Variants in STOM observed in about 807,000 individuals in gnomAD.
STOM encodes erythrocyte band 7 integral membrane protein.
In STOM, 25 loss-of-function variants were observed where a neutral mutation model predicts 30.6. The ratio of observed to expected loss-of-function variants is 0.82; its 90% CI spans 0.60 to 1.14. STOM has a LOEUF of 1.14. Ranked by LOEUF, STOM falls within the 50% of genes most tolerant of loss-of-function variation. The pLI, the probability that STOM is intolerant of heterozygous loss-of-function variation, is 0.00. For synonymous variants in STOM, 118 were observed against 130.8 expected, an observed-to-expected ratio of 0.90 and a Z score of 0.67; for missense variants, 292 against 365.2, an observed-to-expected ratio of 0.80 and a Z score of 1.63.
intron 1 of STOM, among the ~76,000 whole-genome samples, chr9:121,363,969 T>C (rs1314456822): frequency 6.6e-6 from 1 of 152,180 alleles, no homozygotes; most frequent in South Asian, 2.1e-4. Context: ...AAATTCCTCT[T>C]CAATTAATCA....
Position 121,356,110 on chromosome 9 carries a change from C to T in STOM, c.108G>A (p.Ala36=), listed in dbSNP as rs114133174. ...GLGPCGWILV[A]FSFLFTVITF... is the part of the protein sequence containing the mutation. ...TTATAACGGTGAATAAGAATGAGAA[C>T]GCCACCAAAATCCATCCGCAAGGTC... is the stretch of plus-strand genomic sequence containing the variant. The change falls in exon 2 of 7, where the codon GCG becomes GCA. Residue 36 remains alanine, a synonymous_variant. Transcript: ENST00000286713. 2.2e-4 allele frequency: 361 copies of T among 1,614,112 alleles called. 1 individual carries two copies. The African/African-American group carries it at 3.6e-3, about 16-fold the overall frequency.
intron 4 of STOM, 49 bp downstream of exon 4, chr9:121,353,171 G>A (rs752262269): frequency 3.6e-6 from 4 of 1,106,338 alleles, no homozygotes; most frequent in Non-Finnish European, 5.4e-6. Context: ...GTCCCTCATT[G>A]TAAAGCACTT....
At chr9:121,363,770 T>C (rs2064476990) in intron 1 of STOM, among the ~76,000 whole-genome samples, 1 of 152,218 alleles carries the variant, frequency 6.6e-6, no homozygotes, top group Non-Finnish European at 1.5e-5. Context: ...CAACTATTTA[T>C]TTGAGGAGGA....
intron 1 of STOM, among the ~76,000 whole-genome samples, chr9:121,359,066 T>C (rs1035462687): frequency 1.3e-5 from 2 of 152,220 alleles, no homozygotes; most frequent in Non-Finnish European, 2.9e-5. Flanking sequence ...AGGGATATAG[T>C]AGGTTTTCTT....
intron 1 of STOM, among the ~76,000 whole-genome samples, chr9:121,369,641 C>A (rs1461951820): frequency 6.6e-6 from 1 of 151,030 alleles, no homozygotes; most frequent in East Asian, 2.0e-4. Flanking sequence ...TTCTGCAAAT[C>A]GGTCTAAGTT....
chr9:121,347,043 T>C (rs2064295697), intron 6 of STOM, among the ~76,000 whole-genome samples: 1 of 152,256 alleles, frequency 6.6e-6, no homozygotes, highest in African/African-American at 2.4e-5. Flanking sequence ...CATATTATTA[T>C]GCTATCTTTG....
At chr9:121,365,678 T>C (rs753582463) in intron 1 of STOM, among the ~76,000 whole-genome samples, 1 of 152,144 alleles carries the variant, frequency 6.6e-6, no homozygotes, top group Non-Finnish European at 1.5e-5. Flanking sequence ...GCATTTTTGG[T>C]GTTAGATTCC....
At position 121,339,409 on chromosome 9, in the gene STOM, T is replaced by G; in HGVS notation, c.*1793A>C. 1 of 605,902 alleles carries G rather than the reference T, an allele frequency of 1.7e-6. No homozygotes were observed. Among genetic ancestry groups the G allele is most frequent in the Non-Finnish European group, 2.4e-6 (1 of 424,856 alleles). 37.5% of individuals were successfully genotyped at this position (605,902 alleles called of 1,614,324 possible). ...TTAAAATTCAAAATGTAAGTGCAAC[T>G]TGAGTTTAAGTTGCACTGCTCCATA... On this transcript the variant is annotated 3_prime_UTR_variant, in exon 7 of 7. Transcript: ENST00000286713.
Position 121,349,092 on chromosome 9 carries a change from G to C in STOM, c.525+28C>G, listed in dbSNP as rs535264137. On this transcript the variant is annotated intron_variant, in intron 5 of 6. Transcript: ENST00000286713. ...CTTTGCTTCATTTTTCAGCTTCTGG[G>C]GGGTAACAGCATTGACGTACTCCCC... 3,639 of 1,608,118 alleles carry C rather than the reference G, an allele frequency of 2.3e-3. 122 individuals carry two copies. In the South Asian group the frequency reaches 0.038, roughly 17 times the overall value.
chr9:121,341,305 G>T lies in STOM; in HGVS notation c.764C>A (p.Thr255Lys). Residue 255 changes from threonine (T) to lysine (K), a missense_variant, in exon 7 of 7, where the codon ACA becomes AAA. Transcript: ENST00000286713. ...PAALQLRYLQ[T>K]LTTIAAEKNS... ...TTTCTCAGCAGCAATGGTGGTCAGT[G>T]TCTGCAGGTATCGGAGCTGAAGGGC... The T allele has an allele frequency of 6.2e-7, 1 of 1,614,220 alleles. No homozygotes were observed. Among genetic ancestry groups the T allele is most frequent in the South Asian group, 1.1e-5 (1 of 91,086 alleles).
At chr9:121,365,544 A>G (rs796550828) in intron 1 of STOM, among the ~76,000 whole-genome samples, 6 of 149,478 alleles carry the variant, frequency 4.0e-5, no homozygotes, top group African/African-American at 9.9e-5. Context: ...AGTTTTTCTC[A>G]TATAAGTCTT....
rs183000720 is a variant in STOM at position 121,365,520 on chromosome 9, A to C, written c.61+4607T>G. Among the ~76,000 whole-genome samples the C allele has an allele frequency of 2.7e-3, 402 of 151,502 alleles. 3 individuals are homozygous for C. The highest frequency in any genetic ancestry group is 2.4e-3 in the Non-Finnish European group (166 of 67,872). ...AGCTCTTTTACTTGGACATCTTAAA[A>C]TTATTCACAATTAAGTTTTTCTCAT... is the stretch of plus-strand genomic sequence containing the variant. On this transcript the variant is annotated intron_variant, in intron 1 of 6. Transcript: ENST00000286713.
Position 121,344,442 on chromosome 9 carries a change from G to A in STOM, c.661-3034C>T, listed in dbSNP as rs567414660. ...GCTTGGCTGAGAAGCCAGACCCACC[G>A]GGCTGGGCACACATTTTGTTCATAG... On this transcript the variant is annotated intron_variant, in intron 6 of 6. Transcript: ENST00000286713. Among the ~76,000 whole-genome samples the A allele has an allele frequency of 6.6e-5, 10 of 152,206 alleles. No homozygotes were observed. In the South Asian group the frequency reaches 1.2e-3, roughly 19 times the overall value.
At chr9:121,348,903 A>T (rs906343358) in intron 5 of STOM, among the ~76,000 whole-genome samples, 1 of 152,214 alleles carries the variant, frequency 6.6e-6, no homozygotes, top group African/African-American at 2.4e-5. Context: ...CACACTGAAG[A>T]AAATTTTAAA....
chr9:121,363,351 T>C (rs2064472117), intron 1 of STOM, among the ~76,000 whole-genome samples: 1 of 152,032 alleles, frequency 6.6e-6, no homozygotes, highest in Non-Finnish European at 1.5e-5. Flanking sequence ...TCTTGGCAAT[T>C]TTTGAACTTT....
At chr9:121,348,998 G>T in intron 5 of STOM, 122 bp downstream of exon 5, 3 of 1,169,928 alleles carry the variant, frequency 2.6e-6, no homozygotes, top group Non-Finnish European at 2.4e-6. Flanking sequence ...ATTTTACTAT[G>T]AAGAAAAAAA....
intron 1 of STOM, among the ~76,000 whole-genome samples, chr9:121,367,845 G>T (rs1242340925): frequency 6.6e-6 from 1 of 152,182 alleles, no homozygotes; most frequent in Non-Finnish European, 1.5e-5. Flanking sequence ...AGTTAGACAA[G>T]GTTCTACATT....
chr9:121,358,911 C>T (rs761030676), intron 1 of STOM, among the ~76,000 whole-genome samples: 4 of 152,244 alleles, frequency 2.6e-5, no homozygotes, highest in East Asian at 1.9e-4. Flanking sequence ...CTGGTGTGCA[C>T]GGCTATCATT....
Position 121,340,168 on chromosome 9 carries a change from A to T in STOM, c.*1034T>A. The T allele has an allele frequency of 1.0e-6, 1 of 985,480 alleles. No individual in the cohort carries two copies. Among genetic ancestry groups the T allele is most frequent in the Non-Finnish European group, 1.2e-6 (1 of 829,936 alleles). 61.0% of individuals were successfully genotyped at this position (985,480 alleles called of 1,614,324 possible). A position where few individuals can be genotyped will look rare whatever the true frequency, so the allele number is the denominator to read the frequency against. ...GTGAGAAAAAAGCACTTTTGTGACA[A>T]ATATTTAGCTGGTTTGAAAGACAGA... On this transcript the variant is annotated 3_prime_UTR_variant, in exon 7 of 7. Transcript: ENST00000286713.
Sources: allele counts gnomAD v4.1 joint callset (sites outside exome capture counted in the v4.1 genomes callset), GRCh38; gene constraint gnomAD v4.1.1; transcripts MANE v1.5; gene names NCBI Gene and HGNC (gene_info 2026-07-23, HGNC 2026-07-21).